The following SORCS1 variants were observed in gnomAD, a reference collection of about 807,000 sequenced individuals.
The protein encoded by SORCS1 is sortilin related VPS10 domain containing receptor 1, also known as VPS10 domain-containing receptor SorCS1.
SORCS1 carries 60 observed loss-of-function variants against 146.1 expected under a neutral mutation model. The observed-to-expected ratio is 0.41, with a 90% CI of 0.33 to 0.51. SORCS1 has a LOEUF of 0.51. SORCS1 is among the 20% of genes least tolerant of loss of function. SORCS1 has a pLI of 0.21. For missense variants in SORCS1, 1,352 were observed against 1,487.6 expected, an observed-to-expected ratio of 0.91 and a Z score of 1.50; for synonymous variants, 637 against 584.0, an observed-to-expected ratio of 1.09 and a Z score of -1.31.
intron 10 of SORCS1, among the ~76,000 whole-genome samples, chr10:106,680,421 T>C (rs1045369242): frequency 6.6e-6 from 1 of 152,164 alleles, no homozygotes; most frequent in Non-Finnish European, 1.5e-5. Context: ...CTCAGTTGTA[T>C]AGAAAAAGTA....
chr10:106,890,756 C>T (rs534152335), intron 2 of SORCS1, among the ~76,000 whole-genome samples: 23 of 152,034 alleles, frequency 1.5e-4, no homozygotes, highest in Non-Finnish European at 2.6e-4. Flanking sequence ...CCTCTATGAA[C>T]CAAAGTGGAA....
chr10:106,970,336 CTTT>C (rs766818370), intron 1 of SORCS1, among the ~76,000 whole-genome samples: 10 of 89,432 alleles, frequency 1.1e-4, no homozygotes, highest in African/African-American at 4.9e-4. Context: ...ACCAACATCT[CTTT>C]TTTTTTTTTT....
At chr10:106,957,152 G>A (rs1240140472) in intron 1 of SORCS1, among the ~76,000 whole-genome samples, 2 of 107,882 alleles carry the variant, frequency 1.9e-5, no homozygotes, top group Non-Finnish European at 3.8e-5. Flanking sequence ...CTATTAGCAT[G>A]TGGTTTTTTT....
At chr10:107,098,267 A>T (rs1392448273) in intron 1 of SORCS1, among the ~76,000 whole-genome samples, 1 of 152,168 alleles carries the variant, frequency 6.6e-6, no homozygotes, top group African/African-American at 2.4e-5. Flanking sequence ...TCCCAAGTGA[A>T]TCCAACTTAG....
chr10:107,034,281 A>G (rs1958792389), intron 1 of SORCS1, among the ~76,000 whole-genome samples: 1 of 152,160 alleles, frequency 6.6e-6, no homozygotes, highest in South Asian at 2.1e-4. Flanking sequence ...AAGTATCAGA[A>G]AAGAGCCCAG....
intron 2 of SORCS1, among the ~76,000 whole-genome samples, chr10:106,874,116 G>C (rs374620468): frequency 1.3e-5 from 2 of 152,146 alleles, no homozygotes; most frequent in Non-Finnish European, 2.9e-5. Flanking sequence ...CTGCATCTAA[G>C]AGCCAGGAGA....
At chr10:107,172,452 G>A in the SORCS1 span, among the ~76,000 whole-genome samples, 1,548 of 152,274 alleles carry the variant, frequency 0.01, 24 homozygotes, top group African/African-American at 0.035. Context: ...TGTTGTAGGT[G>A]CTAAGTATGT....
At chr10:106,833,875 G>A (rs1452525443) in intron 2 of SORCS1, among the ~76,000 whole-genome samples, 1 of 152,028 alleles carries the variant, frequency 6.6e-6, no homozygotes, top group East Asian at 1.9e-4. Context: ...CTCACTGCAA[G>A]CTCCGCCTCC....
At chr10:106,952,099 C>G (rs1363014442) in intron 2 of SORCS1, among the ~76,000 whole-genome samples, 1 of 152,164 alleles carries the variant, frequency 6.6e-6, no homozygotes, top group Non-Finnish European at 1.5e-5. Flanking sequence ...TTCCTGTTTT[C>G]CAACACAGTT....
At chr10:106,928,373 C>T (rs914610394) in intron 2 of SORCS1, among the ~76,000 whole-genome samples, 1 of 152,234 alleles carries the variant, frequency 6.6e-6, no homozygotes, top group East Asian at 1.9e-4. Flanking sequence ...TGCCAGGGGC[C>T]GGCAGGCTGC....
At chr10:107,071,444 G>A (rs1565000351) in intron 1 of SORCS1, among the ~76,000 whole-genome samples, 1 of 152,170 alleles carries the variant, frequency 6.6e-6, no homozygotes, top group Non-Finnish European at 1.5e-5. Context: ...ATCCCCTGAA[G>A]CCAACCTATG....
intron 1 of SORCS1, among the ~76,000 whole-genome samples, chr10:107,074,072 T>A (rs894354803): frequency 6.6e-6 from 1 of 152,186 alleles, no homozygotes; most frequent in African/African-American, 2.4e-5. Flanking sequence ...AAGTTTACAT[T>A]GAGGTTCATT....
intron 20 of SORCS1, among the ~76,000 whole-genome samples, chr10:106,619,674 C>G (rs780658573): frequency 2.6e-5 from 4 of 152,074 alleles, no homozygotes; most frequent in Non-Finnish European, 5.9e-5. Context: ...GTGGAGGCAT[C>G]AGAAGGCCTT....
At chr10:107,013,370 C>T (rs1957763595) in intron 1 of SORCS1, among the ~76,000 whole-genome samples, 1 of 152,000 alleles carries the variant, frequency 6.6e-6, no homozygotes, top group South Asian at 2.1e-4. Flanking sequence ...TAGCCAGGAA[C>T]TCCACTGAGC....
chr10:106,656,836 C>G (rs1262483536), intron 17 of SORCS1, among the ~76,000 whole-genome samples: 1 of 152,102 alleles, frequency 6.6e-6, no homozygotes, highest in Non-Finnish European at 1.5e-5. Context: ...AACAGAAATG[C>G]TGATTTAATT....
At chr10:106,964,351 T>TAGAGTGC (rs1322833166) in intron 1 of SORCS1, among the ~76,000 whole-genome samples, 4 of 152,200 alleles carry the variant, frequency 2.6e-5, no homozygotes, top group Non-Finnish European at 5.9e-5. Flanking sequence ...TCACCCAGGC[T>TAGAGTGC]AGAGTGCAGT....
At chr10:106,907,467 AAC>A (rs1951959634) in intron 2 of SORCS1, among the ~76,000 whole-genome samples, 2 of 152,184 alleles carry the variant, frequency 1.3e-5, no homozygotes, top group Admixed American at 6.5e-5. Flanking sequence ...CCTAAAGATT[AAC>A]AGTTTTTATC....
intron 1 of SORCS1, among the ~76,000 whole-genome samples, chr10:107,142,053 T>C (rs577680727): frequency 5.3e-5 from 8 of 152,314 alleles, no homozygotes; most frequent in Admixed American, 6.5e-5. Context: ...CCTTGAATTA[T>C]CCTCCCCAAG....
chr10:107,130,081 A>T (rs1966851407), intron 1 of SORCS1, among the ~76,000 whole-genome samples: 1 of 152,222 alleles, frequency 6.6e-6, no homozygotes. Flanking sequence ...AATGTTTCAC[A>T]TGCAATAAAG....
Sources: allele counts gnomAD v4.1 joint callset (sites outside exome capture counted in the v4.1 genomes callset), GRCh38; gene constraint gnomAD v4.1.1; transcripts MANE v1.5; gene names NCBI Gene and HGNC (gene_info 2026-07-23, HGNC 2026-07-21).